ACSL5: variants seen among roughly 807,000 people sequenced by gnomAD.
The protein encoded by ACSL5 is acyl-CoA synthetase long chain family member 5, also known as long-chain-fatty-acid--CoA ligase 5.
A neutral mutation model predicts 84.9 loss-of-function variants in ACSL5; 50 were observed. That is an observed-to-expected ratio of 0.59 (90% CI 0.47 to 0.75). The LOEUF (loss-of-function observed/expected upper bound fraction) is 0.75, where lower values mean the gene tolerates loss of function less well. Among genes scored for constraint, ACSL5 ranks in the 30% least tolerant of loss-of-function variants. ACSL5 has a pLI of 0.00. For missense variants in ACSL5, 775 were observed against 830.4 expected, an observed-to-expected ratio of 0.93 and a Z score of 0.82; for synonymous variants, 280 against 300.7, an observed-to-expected ratio of 0.93 and a Z score of 0.71.
chr10:112,413,445 G>A (rs1036686142), intron 12 of ACSL5, 138 bp downstream of exon 12: 6 of 1,133,052 alleles, frequency 5.3e-6, no homozygotes, highest in East Asian at 5.0e-5. Flanking sequence ...TACAATCCCC[G>A]CCAGGTGTGG....
intron 17 of ACSL5, chr10:112,425,092 G>A (rs189695555): frequency 3.2e-6 from 1 of 308,516 alleles, no homozygotes; most frequent in African/African-American, 2.1e-5. Flanking sequence ...AACTCCAGTA[G>A]ATCCAGGAGA....
At chr10:112,406,509 T>A (rs1427487090) in intron 5 of ACSL5, 1 of 152,246 alleles carries the variant, frequency 6.6e-6, no homozygotes, top group African/African-American at 2.4e-5. Flanking sequence ...CAGGATTCAG[T>A]CCATAACATC....
chr10:112,426,996 T>A (rs1219216486), intron 20 of ACSL5, 137 bp downstream of exon 20: 4 of 882,026 alleles, frequency 4.5e-6, no homozygotes, highest in Non-Finnish European at 7.1e-6. Flanking sequence ...AATGACCTTT[T>A]GTAGTTACTT....
chr10:112,395,945 C>T (rs1445199806), intron 2 of ACSL5: 1 of 152,398 alleles, frequency 6.6e-6, no homozygotes, highest in African/African-American at 2.4e-5. Flanking sequence ...TCTTCACTGA[C>T]ATCTTCCCGT....
intron 19 of ACSL5, 148 bp from the exon 20 acceptor site, chr10:112,426,640 C>G (rs779463760): frequency 3.8e-5 from 26 of 690,344 alleles, no homozygotes; most frequent in Non-Finnish European, 6.4e-5. Context: ...GTTTTTCTTT[C>G]AATATTGGGC....
intron 17 of ACSL5, among the ~76,000 whole-genome samples, chr10:112,423,647 C>A (rs1844562788): frequency 1.3e-5 from 2 of 152,082 alleles, no homozygotes; most frequent in African/African-American, 4.8e-5. Flanking sequence ...TTTTTAGACC[C>A]AAACTGAAGG....
intron 1 of ACSL5, among the ~76,000 whole-genome samples, chr10:112,391,112 C>T (rs1849553811): frequency 6.6e-6 from 1 of 152,210 alleles, no homozygotes; most frequent in South Asian, 2.1e-4. Context: ...GGTGCAATGG[C>T]TCATGCCTGT....
chr10:112,393,048 C>A (rs780667173), intron 1 of ACSL5, among the ~76,000 whole-genome samples: 2 of 152,056 alleles, frequency 1.3e-5, no homozygotes, highest in Non-Finnish European at 2.9e-5. Flanking sequence ...CCTGCTTTTT[C>A]AATTTCACAG....
chr10:112,379,656 C>A (rs1182388882), intron 1 of ACSL5, among the ~76,000 whole-genome samples: 2 of 152,100 alleles, frequency 1.3e-5, no homozygotes, highest in South Asian at 4.2e-4. Flanking sequence ...CTTTAAGTAG[C>A]GATTTTCACC....
In ACSL5 at chr10:112,426,265, T is replaced by C. The variant is rs770905365; in HGVS notation, c.1745T>C (p.Leu582Ser). The C allele has an allele frequency of 6.2e-7, 1 of 1,613,770 alleles. No homozygotes were observed. Among genetic ancestry groups the C allele is most frequent in the Non-Finnish European group, 8.5e-7 (1 of 1,179,638 alleles). Residue 582 changes from leucine (L) to serine (S), a missense_variant, in exon 19 of 21, where the codon TTA (leucine) becomes TCA (serine). Transcript: ENST00000354655. ...TTTATTTCCTTTCCATAGTCATCCT[T>C]AGTAGGAGTGGTGGTTCCTGACACA... is the stretch of plus-strand genomic sequence containing the variant. ...FVHGESLRSSLVGVVVPDTDV... is the reference protein window; with the variant it reads ...FVHGESLRSSSVGVVVPDTDV...
rs1477870059 is a variant in ACSL5, at chr10:112,418,100, T to G, written c.1314+159T>G. ...ATCCTTCTAACCATCTCTTCAGGCATCTGTGTGTAGAAACCTTCACATAAA... is the reference window on the plus strand; with the variant it reads ...ATCCTTCTAACCATCTCTTCAGGCAGCTGTGTGTAGAAACCTTCACATAAA... On this transcript the variant is annotated intron_variant, in intron 14 of 20. Transcript: ENST00000354655. Among the ~76,000 whole-genome samples, 3 of 152,352 alleles carry G rather than the reference T, an allele frequency of 2.0e-5. No homozygotes were observed. The East Asian group carries it at 5.8e-4, about 29-fold the overall frequency.
chr10:112,395,035 G>A lies in ACSL5; in HGVS notation c.89G>A (p.Trp30Ter), dbSNP rs1320359767. 2 of 1,613,878 alleles carry A rather than the reference G, an allele frequency of 1.2e-6. No homozygotes were observed. Among genetic ancestry groups the A allele is most frequent in the Non-Finnish European group, 1.7e-6 (2 of 1,179,996 alleles). ...ACATTTGGAGCTGCCATCTTCTTGTGGCTGATCACCAGACCTCAACCCGTC... is the reference window on the plus strand; with the variant it reads ...ACATTTGGAGCTGCCATCTTCTTGTAGCTGATCACCAGACCTCAACCCGTC... ...ILTFGAAIFL[W>*]LITRPQPVLP... Residue 30 changes from tryptophan to a stop codon, truncating the protein, a stop_gained, in exon 2 of 21, where the codon TGG becomes TAG. Coordinates refer to ENST00000354655, the MANE Select transcript of ACSL5 (RefSeq NM_203379.2). LOFTEE classifies it high-confidence loss of function.
chr10:112,383,282 G>A (rs1849386516), intron 1 of ACSL5, among the ~76,000 whole-genome samples: 1 of 152,178 alleles, frequency 6.6e-6, no homozygotes, highest in Non-Finnish European at 1.5e-5. Context: ...TCCAGCCTGA[G>A]CAACAAAGCG....
rs774110068 is a variant in ACSL5 at position 112,425,327 on chromosome 10, G to C, written c.1594-11G>C. The C allele has an allele frequency of 3.4e-5, 55 of 1,603,040 alleles. No homozygotes were observed. In the South Asian group the frequency reaches 6.0e-4, roughly 18 times the overall value. ...CTCAAAAATACTGATACTTTTATCT[G>C]TCTCATGTAGAATGGAACTCTGAAG... On this transcript the variant is annotated splice_polypyrimidine_tract_variant and intron_variant, in intron 17 of 20. Transcript: ENST00000354655.
intron 3 of ACSL5, among the ~76,000 whole-genome samples, chr10:112,401,856 CT>C (rs1481215823): frequency 5.3e-5 from 7 of 131,426 alleles, no homozygotes; most frequent in African/African-American, 1.4e-4. Flanking sequence ...TCCTTCCTTC[CT>C]TTCTTTCTTT....
intron 3 of ACSL5, among the ~76,000 whole-genome samples, chr10:112,404,035 T>C (rs1843969854): frequency 6.6e-6 from 1 of 152,212 alleles, no homozygotes; most frequent in Non-Finnish European, 1.5e-5. Flanking sequence ...AAAAGGGCCA[T>C]GGGATAATAT....
chr10:112,375,767 G>A (rs1238119302), intron 1 of ACSL5, among the ~76,000 whole-genome samples: 2 of 152,186 alleles, frequency 1.3e-5, no homozygotes, highest in South Asian at 4.1e-4. Flanking sequence ...CCAATTGAAC[G>A]ACTCACAGCC....
chr10:112,412,056 T>C (rs191279915), intron 11 of ACSL5, 77 bp downstream of exon 11: 12 of 1,402,392 alleles, frequency 8.6e-6, no homozygotes, highest in East Asian at 2.3e-5. Flanking sequence ...CAAAGGCAGC[T>C]ACACAGTATT....
intron 15 of ACSL5, 45 bp from the exon 16 acceptor site, chr10:112,421,902 C>A (rs1844474225): frequency 6.4e-7 from 1 of 1,550,428 alleles, no homozygotes; most frequent in Admixed American, 1.7e-5. Flanking sequence ...CTGGAATTAT[C>A]ACCATGCAAG....
Sources: allele counts gnomAD v4.1 joint callset (sites outside exome capture counted in the v4.1 genomes callset), GRCh38; gene constraint gnomAD v4.1.1; transcripts MANE v1.5; gene names NCBI Gene and HGNC (gene_info 2026-07-23, HGNC 2026-07-21).